Variants in DNMBP observed in about 807,000 individuals in gnomAD.
DNMBP encodes the protein dynamin binding protein.
In DNMBP, 87 loss-of-function variants were observed where a neutral mutation model predicts 150.0. That is an observed-to-expected ratio of 0.58 (90% CI 0.49 to 0.69). The LOEUF is 0.69. Ranked by LOEUF, DNMBP falls within the 30% of genes least tolerant of loss-of-function variation. The pLI, the probability that DNMBP is intolerant of heterozygous loss-of-function variation, is 0.00. For missense variants in DNMBP, 1,774 were observed against 1,949.0 expected, an observed-to-expected ratio of 0.91 and a Z score of 1.69; for synonymous variants, 711 against 750.4, an observed-to-expected ratio of 0.95 and a Z score of 0.86.
chr10:99,947,925 G>A (rs2040376021), intron 4 of DNMBP, among the ~76,000 whole-genome samples: 1 of 152,236 alleles, frequency 6.6e-6, no homozygotes, highest in South Asian at 2.1e-4. Context: ...GCTGAGCGAA[G>A]TATATGGAAG....
intron 4 of DNMBP, among the ~76,000 whole-genome samples, chr10:99,918,561 G>C (rs1300765829): frequency 4.4e-5 from 6 of 136,996 alleles, no homozygotes; most frequent in Non-Finnish European, 9.3e-5. Context: ...CAAATTACAG[G>C]AGTCTGCAAC....
intron 10 of DNMBP, 72 bp from the exon 11 acceptor site, chr10:99,895,122 CTTTTTT>C (rs373241582): frequency 1.0e-4 from 52 of 510,222 alleles, no homozygotes; most frequent in South Asian, 2.2e-4. Context: ...AAGTAGCTTG[CTTTTTT>C]TTTTTTTTTT....
rs142896857 is a variant in DNMBP at position 99,888,202 on chromosome 10, T to G, written c.3285+623A>C. 5.7e-3 allele frequency among the ~76,000 whole-genome samples: 671 copies of G among 118,570 alleles called. 7 individuals carry two copies. The highest frequency in any genetic ancestry group is 0.035 in the East Asian group (164 of 4,700). 77.8% of individuals were successfully genotyped at this position (118,570 alleles called of 152,430 possible). ...TAAATATTTGTCTTCAAGGTTTTTT[T>G]TTTGTTTGTTTGTTTGTTTTTGTTT... is the stretch of plus-strand genomic sequence containing the variant. On this transcript the variant is annotated intron_variant, in intron 12 of 16. Transcript: ENST00000324109.
At chr10:99,878,214 C>G (rs542614002) in intron 16 of DNMBP, among the ~76,000 whole-genome samples, 2 of 152,212 alleles carry the variant, frequency 1.3e-5, no homozygotes, top group Non-Finnish European at 2.9e-5. Context: ...AAACCACAAC[C>G]AACTTCAAAG....
At position 99,904,458 on chromosome 10, in the gene DNMBP, G is replaced by A. The variant is rs552632438; in HGVS notation, c.2554+3537C>T. ...TATCTCAGCCACCTGCCCTTTGCCCGTGGCTCCATAAGGCTTTAACTTGCC... is the reference window on the plus strand; with the variant it reads ...TATCTCAGCCACCTGCCCTTTGCCCATGGCTCCATAAGGCTTTAACTTGCC... On this transcript the variant is annotated intron_variant, in intron 6 of 16. Coordinates refer to ENST00000324109, the MANE Select transcript of DNMBP (RefSeq NM_015221.4). Among the ~76,000 whole-genome samples, 7 of 152,182 alleles carry A rather than the reference G, an allele frequency of 4.6e-5. No homozygotes were observed. The East Asian group carries it at 1.4e-3, about 29-fold the overall frequency.
At chr10:99,998,058 A>AC (rs1241065718) in intron 1 of DNMBP, among the ~76,000 whole-genome samples, 1 of 151,544 alleles carries the variant, frequency 6.6e-6, no homozygotes, top group East Asian at 1.9e-4. Context: ...ACACAGTGAA[A>AC]CCCCATCTCT....
chr10:100,001,501 T>TC (rs1308395058), intron 1 of DNMBP, among the ~76,000 whole-genome samples: 6 of 135,440 alleles, frequency 4.4e-5, no homozygotes, highest in Admixed American at 8.1e-5. Flanking sequence ...AACCTCCACC[T>TC]CCCAGGTTCA....
intron 1 of DNMBP, among the ~76,000 whole-genome samples, chr10:99,976,044 G>A (rs992348805): frequency 5.9e-5 from 9 of 152,120 alleles, no homozygotes; most frequent in Admixed American, 2.6e-4. Flanking sequence ...GAGGTGTAAT[G>A]GGAACCCAAA....
intron 4 of DNMBP, among the ~76,000 whole-genome samples, chr10:99,920,822 G>A (rs1185987726): frequency 1.3e-5 from 2 of 152,112 alleles, no homozygotes; most frequent in African/African-American, 4.8e-5. Flanking sequence ...TGGAACCACA[G>A]GCACAAGCCA....
intron 3 of DNMBP, among the ~76,000 whole-genome samples, chr10:99,962,602 G>C (rs1481388628): frequency 2.0e-5 from 3 of 152,042 alleles, no homozygotes; most frequent in Non-Finnish European, 1.5e-5. Context: ...CTGCACTCCA[G>C]CCTGGGCGAT....
At chr10:99,878,826 C>A (rs1412853340) in intron 16 of DNMBP, among the ~76,000 whole-genome samples, 1 of 152,124 alleles carries the variant, frequency 6.6e-6, no homozygotes, top group African/African-American at 2.4e-5. Context: ...TTAAAGCATA[C>A]AGGTTAGTTC....
chr10:99,979,832 A>T (rs1286665620), intron 1 of DNMBP, among the ~76,000 whole-genome samples: 3 of 152,184 alleles, frequency 2.0e-5, no homozygotes, highest in East Asian at 1.9e-4. Context: ...TTCATAAATA[A>T]TATTCAGGGC....
intron 9 of DNMBP, 120 bp downstream of exon 9, chr10:99,897,966 T>A: frequency 1.3e-6 from 1 of 768,610 alleles, no homozygotes; most frequent in Non-Finnish European, 2.2e-6. Flanking sequence ...CATTTCTTCA[T>A]CACAGCCCTA....
At chr10:99,943,168 T>G (rs975376329) in intron 4 of DNMBP, among the ~76,000 whole-genome samples, 2 of 151,908 alleles carry the variant, frequency 1.3e-5, no homozygotes, top group African/African-American at 4.8e-5. Context: ...ACCTGTAATC[T>G]CAGTTACTTA....
At chr10:99,950,774 A>G (rs1349676289) in intron 4 of DNMBP, among the ~76,000 whole-genome samples, 1 of 152,228 alleles carries the variant, frequency 6.6e-6, no homozygotes, top group African/African-American at 2.4e-5. Context: ...GTGCTGTTAA[A>G]GGCATTCAGT....
At chr10:99,892,044 G>A (rs1241379832) in intron 11 of DNMBP, among the ~76,000 whole-genome samples, 28 of 138,972 alleles carry the variant, frequency 2.0e-4, no homozygotes, top group Non-Finnish European at 3.8e-4. Context: ...GGAGGGAGGT[G>A]GGGGGGTCAG....
At position 99,898,276 on chromosome 10, in the gene DNMBP, T is replaced by C. The variant is rs776832836; in HGVS notation, c.2730A>G (p.Thr910=). 3.1e-6 allele frequency: 5 copies of C among 1,613,126 alleles called. No individual in the cohort carries two copies. In the East Asian group the frequency reaches 8.9e-5, roughly 29 times the overall value. ...LKSLYNEWGC[T]NYINLGSFLI... The stretch of plus-strand genomic sequence containing the variant: ...GGAAGGAGCCCAGGTTAATATAATT[T>C]GTGCATCCCCTGTAAGAGAAGGAAA... Residue 910 remains threonine (T), a synonymous_variant, in exon 9 of 17, where the codon ACA becomes ACG. Transcript: ENST00000324109.
At chr10:99,900,718 C>T (rs564155282) in intron 6 of DNMBP, among the ~76,000 whole-genome samples, 4 of 152,184 alleles carry the variant, frequency 2.6e-5, no homozygotes, top group South Asian at 4.2e-4. Flanking sequence ...GCAACATCCG[C>T]CTCCCTGGTT....
At chr10:99,953,717 G>C (rs976134518) in intron 4 of DNMBP, among the ~76,000 whole-genome samples, 9 of 151,516 alleles carry the variant, frequency 5.9e-5, no homozygotes, top group Non-Finnish European at 1.3e-4. Flanking sequence ...CTATTCAGGA[G>C]GCTGAGGCAT....
Sources: allele counts gnomAD v4.1 joint callset (sites outside exome capture counted in the v4.1 genomes callset), GRCh38; gene constraint gnomAD v4.1.1; transcripts MANE v1.5; gene names NCBI Gene and HGNC (gene_info 2026-07-23, HGNC 2026-07-21).